Variants in SERTAD2 observed in about 807,000 individuals in gnomAD.
SERTAD2 encodes SERTA domain containing 2.
Under a neutral mutation model 15.4 loss-of-function variants are expected in SERTAD2, and 2 were observed. The ratio of observed to expected loss-of-function variants is 0.13; its 90% CI spans 0.05 to 0.41. SERTAD2 has a LOEUF of 0.41. Ranked by LOEUF, SERTAD2 falls within the 10% of genes least tolerant of loss-of-function variation. The probability of loss-of-function intolerance (pLI) is 0.99; values close to 1 mark genes in which losing one functional copy is unlikely to be tolerated. For synonymous variants in SERTAD2, 180 were observed against 178.0 expected, an observed-to-expected ratio of 1.01 and a Z score of -0.09; for missense variants, 333 against 409.7, an observed-to-expected ratio of 0.81 and a Z score of 1.62.
chr2:64,641,312 T>C (rs949245896), intron 1 of SERTAD2, among the ~76,000 whole-genome samples: 3 of 152,194 alleles, frequency 2.0e-5, no homozygotes. Context: ...TTTTGGGGCT[T>C]TGCAATTCCA....
At chr2:64,637,268 C>T (rs1407001945) in intron 1 of SERTAD2, among the ~76,000 whole-genome samples, 2 of 152,124 alleles carry the variant, frequency 1.3e-5, no homozygotes, top group Non-Finnish European at 2.9e-5. Context: ...ATTTTTAAAG[C>T]CCAAGAAAAC....
chr2:64,639,943 CAAAA>C (rs1439125192), intron 1 of SERTAD2, among the ~76,000 whole-genome samples: 1 of 151,666 alleles, frequency 6.6e-6, no homozygotes, highest in Non-Finnish European at 1.5e-5. Context: ...GCTCGGTAAG[CAAAA>C]CCTGTAAGCA....
intron 1 of SERTAD2, 118 bp from the exon 2 acceptor site, chr2:64,636,993 T>G: frequency 1.5e-6 from 1 of 675,500 alleles, no homozygotes; most frequent in Non-Finnish European, 2.5e-6. Flanking sequence ...CAGGGTTATT[T>G]ACAAGTACAC....
intron 1 of SERTAD2, among the ~76,000 whole-genome samples, chr2:64,643,871 A>T (rs1276146763): frequency 2.0e-5 from 1 of 48,932 alleles, no homozygotes; most frequent in African/African-American, 6.5e-5. Context: ...GTCTCCAAAA[A>T]AACAAAACAA....
Position 64,636,279 on chromosome 2 carries a change from C to T in SERTAD2, c.593G>A (p.Gly198Glu), listed in dbSNP as rs149279671. ...AATAATDSVK[G>E]TSSEAGTQKL... ...CTGGGTGCCAGCCTCGCTGGAGGTC[C>T]CTTTCACACTGTCAGTCGCAGCCGT... The change falls in exon 2 of 2, where the codon GGG becomes GAG. Residue 198 changes from glycine to glutamate, a missense_variant. By Grantham distance (98) the Gly-to-Glu change is moderately conservative. Around this residue, in one of 2 missense-constraint regions of SERTAD2, gnomAD observed 332 missense variants for 392.9 expected, o/e 0.84. Transcript: ENST00000313349. The T allele has an allele frequency of 4.3e-6, 7 of 1,614,080 alleles. No homozygotes were observed. The highest frequency in any genetic ancestry group is 5.9e-6 in the Non-Finnish European group (7 of 1,180,054).
chr2:64,647,049 G>A (rs1030467657), intron 1 of SERTAD2, among the ~76,000 whole-genome samples: 16 of 152,110 alleles, frequency 1.1e-4, no homozygotes, highest in African/African-American at 2.9e-4. Context: ...AGTTATTTGG[G>A]AAAACCCTTC....
Position 64,636,611 on chromosome 2 carries a change from G to A in SERTAD2, c.261C>T (p.Thr87=), listed in dbSNP as rs747577515. 11 of 1,610,824 alleles carry A rather than the reference G, an allele frequency of 6.8e-6. No homozygotes were observed. The East Asian group carries it at 2.2e-4, about 33-fold the overall frequency. ...KQEGSLRPMF[T]PSSQPTTEPS... ...GCTCGGTGGTGGGCTGGGAGGAGGGGGTGAACATGGGCCTCAGGCTGCCTT... is the reference window on the plus strand; with the variant it reads ...GCTCGGTGGTGGGCTGGGAGGAGGGAGTGAACATGGGCCTCAGGCTGCCTT... Residue 87 remains threonine, a synonymous_variant, in exon 2 of 2, where the codon ACC becomes ACT. Transcript: ENST00000313349.
In SERTAD2 at chr2:64,636,113, C is replaced by T. The variant is rs760928733; in HGVS notation, c.759G>A (p.Thr253=). The change falls in exon 2 of 2, where the codon ACG becomes ACA. Residue 253 remains threonine, a synonymous_variant. Transcript: ENST00000313349. ...TGCAGGGGTCAAAATCATACATGGACGTATCAATGTCAGCAAACAGGATGT... is the reference window on the plus strand; with the variant it reads ...TGCAGGGGTCAAAATCATACATGGATGTATCAATGTCAGCAAACAGGATGT... ...LDDILFADID[T]SMYDFDPCTS... The T allele has an allele frequency of 1.3e-5, 21 of 1,613,972 alleles. No individual in the cohort carries two copies. The highest frequency in any genetic ancestry group is 4.5e-5 in the East Asian group (2 of 44,886).
rs534605954 is a variant in SERTAD2, at chr2:64,637,658, T to C, written c.-4-783A>G. On this transcript the variant is annotated intron_variant, in intron 1 of 1. Coordinates refer to ENST00000313349, the MANE Select transcript of SERTAD2 (RefSeq NM_014755.3). ...AGCTCTGATTATAAGCATTGCTGTT[T>C]GGGTACTCGAGACATTTCCTAACAA... Among the ~76,000 whole-genome samples the C allele has an allele frequency of 8.7e-4, 132 of 152,362 alleles. 1 individual carries two copies. The highest frequency in any genetic ancestry group is 4.8e-3 in the South Asian group (23 of 4,832).
chr2:64,649,719 A>C (rs1453608983), intron 1 of SERTAD2, among the ~76,000 whole-genome samples: 1 of 152,236 alleles, frequency 6.6e-6, no homozygotes, highest in Non-Finnish European at 1.5e-5. Context: ...GTTACTAGAG[A>C]AACAAAGCTG....
At chr2:64,643,174 G>A (rs1284552538) in intron 1 of SERTAD2, among the ~76,000 whole-genome samples, 1 of 152,228 alleles carries the variant, frequency 6.6e-6, no homozygotes, top group Non-Finnish European at 1.5e-5. Context: ...CATCGCCTTA[G>A]AAGCCCAACT....
intron 1 of SERTAD2, among the ~76,000 whole-genome samples, chr2:64,641,156 T>C (rs986467492): frequency 3.9e-5 from 6 of 152,240 alleles, no homozygotes; most frequent in African/African-American, 1.2e-4. Flanking sequence ...ACATGAAAAC[T>C]AGTTTTCAAC....
intron 1 of SERTAD2, among the ~76,000 whole-genome samples, chr2:64,641,450 A>G (rs1674776089): frequency 2.0e-5 from 3 of 152,212 alleles, no homozygotes; most frequent in Non-Finnish European, 1.5e-5. Context: ...GTCTCTTCAT[A>G]TCTGTTTCCC....
chr2:64,637,200 T>A (rs915598300), intron 1 of SERTAD2, among the ~76,000 whole-genome samples: 1 of 152,216 alleles, frequency 6.6e-6, no homozygotes. Flanking sequence ...CTCATGTGCT[T>A]GTGTTCGCAT....
At chr2:64,653,542 T>G (rs1310209417) in intron 1 of SERTAD2, 78 bp downstream of exon 1, 2 of 151,866 alleles carry the variant, frequency 1.3e-5, no homozygotes, top group Non-Finnish European at 2.9e-5. Flanking sequence ...CCTGGCCGAG[T>G]CCCAACACCG....
intron 1 of SERTAD2, among the ~76,000 whole-genome samples, chr2:64,642,718 G>C (rs1344645934): frequency 4.6e-5 from 7 of 152,162 alleles, no homozygotes; most frequent in African/African-American, 1.7e-4. Context: ...ACAGACCCTG[G>C]GTTGGGGGGG....
intron 1 of SERTAD2, among the ~76,000 whole-genome samples, chr2:64,637,138 G>A (rs1290543386): frequency 6.6e-6 from 1 of 152,150 alleles, no homozygotes; most frequent in African/African-American, 2.4e-5. Flanking sequence ...AAATGTGTAC[G>A]ACACAGACAA....
At chr2:64,637,003 C>G (rs150104707) in intron 1 of SERTAD2, 128 bp from the exon 2 acceptor site, 31 of 635,930 alleles carry the variant, frequency 4.9e-5, no homozygotes, top group Non-Finnish European at 7.8e-5. Context: ...TACAAGTACA[C>G]GTGGATTAAT....
chr2:64,647,167 CT>C (rs975241408), intron 1 of SERTAD2, among the ~76,000 whole-genome samples: 2 of 152,082 alleles, frequency 1.3e-5, no homozygotes, highest in African/African-American at 4.8e-5. Context: ...GGGATTCTTT[CT>C]ATTTAAATTA....
Sources: allele counts gnomAD v4.1 joint callset (sites outside exome capture counted in the v4.1 genomes callset), GRCh38; gene constraint gnomAD v4.1.1; regional missense constraint gnomAD v4.1.1; transcripts MANE v1.5; gene names NCBI Gene and HGNC (gene_info 2026-07-23, HGNC 2026-07-21).